Variants in RHBDD1 observed in about 807,000 individuals in gnomAD.
RHBDD1 encodes the protein rhomboid domain containing 1, also known as rhomboid-related protein 4.
In RHBDD1, 38 loss-of-function variants were observed where a neutral mutation model predicts 36.3. The ratio of observed to expected loss-of-function variants is 1.05; its 90% CI spans 0.81 to 1.37. The LOEUF is 1.37. Among genes scored for constraint, RHBDD1 ranks in the 40% most tolerant of loss-of-function variants. The pLI, the probability that RHBDD1 is intolerant of heterozygous loss-of-function variation, is 0.00. For missense variants in RHBDD1, 393 were observed against 377.6 expected (o/e 1.04, Z -0.34); for synonymous variants, 151 against 136.5 (o/e 1.11, Z -0.74).
chr2:226,806,126 G>T, the RHBDD1 span, among the ~76,000 whole-genome samples: 1 of 148,638 alleles, frequency 6.7e-6, no homozygotes, highest in African/African-American at 2.6e-5. Context: ...TCACTCCAAG[G>T]TTCTTTATTT....
intron 8 of RHBDD1, among the ~76,000 whole-genome samples, chr2:226,958,162 T>C (rs532472145): frequency 1.3e-5 from 2 of 152,270 alleles, no homozygotes; most frequent in East Asian, 3.9e-4. Context: ...ATAAATAAAA[T>C]GTGGTATATG....
the RHBDD1 span, among the ~76,000 whole-genome samples, chr2:226,806,953 G>A: frequency 1.3e-5 from 2 of 152,154 alleles, no homozygotes; most frequent in African/African-American, 4.8e-5. Flanking sequence ...CAATGGATTC[G>A]AGTTTACCTA....
chr2:226,883,897 G>A (rs889171860), intron 5 of RHBDD1, among the ~76,000 whole-genome samples: 6 of 152,122 alleles, frequency 3.9e-5, no homozygotes, highest in Non-Finnish European at 8.8e-5. Flanking sequence ...AATTACAAAT[G>A]TAGCAATTAT....
chr2:226,837,984 A>G (rs1941164727), intron 1 of RHBDD1, 89 bp from the exon 2 acceptor site: 1 of 152,128 alleles, frequency 6.6e-6, no homozygotes, highest in South Asian at 2.1e-4. Flanking sequence ...TACTCTAGAT[A>G]CCTCCATTTT....
At chr2:226,893,647 A>G (rs754307033) in intron 5 of RHBDD1, among the ~76,000 whole-genome samples, 2 of 152,216 alleles carry the variant, frequency 1.3e-5, no homozygotes, top group Non-Finnish European at 2.9e-5. Context: ...TTTAATAAGC[A>G]TATTTTGTGT....
chr2:226,925,820 T>A (rs1949629867), intron 8 of RHBDD1, among the ~76,000 whole-genome samples: 1 of 152,218 alleles, frequency 6.6e-6, no homozygotes, highest in South Asian at 2.1e-4. Flanking sequence ...AATTGGTTTC[T>A]TAATTGCAGA....
chr2:226,925,211 C>T (rs950293567), intron 8 of RHBDD1, among the ~76,000 whole-genome samples: 6 of 152,330 alleles, frequency 3.9e-5, no homozygotes, highest in African/African-American at 7.2e-5. Context: ...GGCTTACCTT[C>T]AGTGATTCCT....
At chr2:226,938,958 G>A (rs1208408145) in intron 8 of RHBDD1, among the ~76,000 whole-genome samples, 6 of 152,182 alleles carry the variant, frequency 3.9e-5, no homozygotes, top group South Asian at 2.1e-4. Flanking sequence ...ATCTCTGGAT[G>A]CAAGGCTGGT....
chr2:226,916,589 A>G (rs1948925810), intron 8 of RHBDD1, among the ~76,000 whole-genome samples: 1 of 152,216 alleles, frequency 6.6e-6, no homozygotes, highest in Admixed American at 6.5e-5. Context: ...ATGATAGGAA[A>G]GATTTGGACT....
chr2:226,807,558 A>T, the RHBDD1 span: 1 of 152,188 alleles, frequency 6.6e-6, no homozygotes. Context: ...TGTTCCATGC[A>T]GAGGAAATGG....
At chr2:226,981,078 A>G (rs1955617431) in intron 8 of RHBDD1, among the ~76,000 whole-genome samples, 1 of 152,134 alleles carries the variant, frequency 6.6e-6, no homozygotes, top group South Asian at 2.1e-4. Context: ...TTTGTAAGAG[A>G]TGTTAGGTTT....
intron 8 of RHBDD1, among the ~76,000 whole-genome samples, chr2:226,961,845 G>A (rs949472961): frequency 6.6e-6 from 1 of 152,124 alleles, no homozygotes; most frequent in Non-Finnish European, 1.5e-5. Context: ...CCTGTCACAG[G>A]TTCTATTGCT....
chr2:226,954,576 C>T (rs949872126), intron 8 of RHBDD1, among the ~76,000 whole-genome samples: 1 of 151,948 alleles, frequency 6.6e-6, no homozygotes, highest in Admixed American at 6.6e-5. Flanking sequence ...AATATCATTG[C>T]CCACTGCTCC....
Position 226,914,860 on chromosome 2 carries a change from T to C in RHBDD1, c.856+509T>C, listed in dbSNP as rs187528061. ...GAACAGGCTTTCCAGGAGATTCTTT[T>C]ATAAACCGATATCTGAAAAAACACT... On this transcript the variant is annotated intron_variant, in intron 8 of 8. Transcript: ENST00000392062. 3.3e-5 allele frequency among the ~76,000 whole-genome samples: 5 copies of C among 152,306 alleles called. No homozygotes were observed. In the East Asian group the frequency reaches 9.6e-4, roughly 29 times the overall value.
At chr2:226,988,098 C>G (rs1336195982) in intron 8 of RHBDD1, among the ~76,000 whole-genome samples, 3 of 152,172 alleles carry the variant, frequency 2.0e-5, no homozygotes, top group Non-Finnish European at 4.4e-5. Context: ...CAGTGTGTTT[C>G]AGGAGGAGGC....
the RHBDD1 span, among the ~76,000 whole-genome samples, chr2:226,822,633 C>CAAAAAAAAAA: frequency 1.4e-5 from 1 of 71,656 alleles, no homozygotes. Context: ...TATTTTGTCT[C>CAAAAAAAAAA]AAAAAAAAAA....
At chr2:226,982,773 AAGC>A (rs1956066051) in intron 8 of RHBDD1, among the ~76,000 whole-genome samples, 1 of 152,094 alleles carries the variant, frequency 6.6e-6, no homozygotes, top group Non-Finnish European at 1.5e-5. Context: ...TTCATTCCTC[AAGC>A]ATTTATGATG....
chr2:226,865,271 C>A (rs1944231019), intron 4 of RHBDD1, 145 bp downstream of exon 4: 6 of 671,658 alleles, frequency 8.9e-6, no homozygotes, highest in South Asian at 7.4e-5. Flanking sequence ...GAGGCTGGAG[C>A]ATGCAGGGAC....
intron 3 of RHBDD1, among the ~76,000 whole-genome samples, chr2:226,850,407 C>T (rs574159100): frequency 6.6e-6 from 1 of 152,274 alleles, no homozygotes; most frequent in African/African-American, 2.4e-5. Flanking sequence ...TCTATCCTGC[C>T]ATTACAACAA....
Sources: gnomAD v4.1 joint callset for allele counts (sites outside exome capture counted in the v4.1 genomes callset) on GRCh38, gnomAD v4.1.1 for gene constraint, MANE v1.5 for transcripts, NCBI Gene and HGNC (gene_info 2026-07-23, HGNC 2026-07-21) for gene names.